Variants in CEP76 observed in about 807,000 individuals in gnomAD.
The protein encoded by CEP76 is centrosomal protein 76, also known as centrosomal protein of 76 kDa.
A neutral mutation model predicts 83.3 loss-of-function variants in CEP76; 55 were observed. The observed-to-expected ratio is 0.66, with a 90% CI of 0.53 to 0.83. The LOEUF (loss-of-function observed/expected upper bound fraction) is 0.83. CEP76 is among the 40% of genes least tolerant of loss of function. The pLI is 0.00. For synonymous variants in CEP76, 270 were observed against 274.5 expected (o/e 0.98, Z 0.16); for missense variants, 694 against 799.5 (o/e 0.87, Z 1.59).
At chr18:12,698,747 C>A in intron 4 of CEP76, 1 of 530,544 alleles carries the variant, frequency 1.9e-6, no homozygotes, top group Non-Finnish European at 3.3e-6. Context: ...GTGTGTATTA[C>A]TAAAGAATCA....
intron 1 of CEP76, among the ~76,000 whole-genome samples, chr18:12,701,858 CGGAGG>C (rs1241432046): frequency 6.6e-6 from 1 of 152,200 alleles, no homozygotes; most frequent in Non-Finnish European, 1.5e-5. Context: ...CTGCCGGGCG[CGGAGG>C]CTCACGCCTG....
At chr18:12,697,702 T>C (rs2040005134) in intron 4 of CEP76, among the ~76,000 whole-genome samples, 1 of 152,200 alleles carries the variant, frequency 6.6e-6, no homozygotes, top group African/African-American at 2.4e-5. Flanking sequence ...CTAAAGTATA[T>C]GCTACTACAA....
intron 4 of CEP76, among the ~76,000 whole-genome samples, chr18:12,698,403 A>T (rs1322029881): frequency 2.0e-5 from 3 of 152,114 alleles, no homozygotes; most frequent in Admixed American, 2.0e-4. Context: ...TCCTGACCTC[A>T]GGTGACCCAC....
intron 12 of CEP76, among the ~76,000 whole-genome samples, chr18:12,666,727 G>T (rs2038811955): frequency 6.6e-6 from 1 of 150,406 alleles, no homozygotes; most frequent in Admixed American, 6.7e-5. Flanking sequence ...GGAATTACAG[G>T]CTTCAGTCAC....
intron 10 of CEP76, 65 bp downstream of exon 10, chr18:12,678,044 C>CAA (rs2039207267): frequency 7.4e-7 from 1 of 1,346,206 alleles, no homozygotes; most frequent in African/African-American, 1.4e-5. Context: ...TCACACACAC[C>CAA]AAAAAACAGT....
At chr18:12,678,038 A>T in intron 10 of CEP76, 71 bp downstream of exon 10, 1 of 1,243,402 alleles carries the variant, frequency 8.0e-7, no homozygotes, top group Non-Finnish European at 1.2e-6. Flanking sequence ...GCACTATCAC[A>T]CACACCAAAA....
At chr18:12,698,947 CAATTA>C in intron 4 of CEP76, 27 bp downstream of exon 4, 6 of 1,404,132 alleles carry the variant, frequency 4.3e-6, no homozygotes, top group Middle Eastern at 1.8e-4. Context: ...AAGATTTACT[CAATTA>C]AATGACAATT....
At chr18:12,668,809 C>G (rs62095975), downstream of CEP76, among the ~76,000 whole-genome samples, 2 of 136,608 alleles carry the variant, frequency 1.5e-5, no homozygotes, top group African/African-American at 5.5e-5. Context: ...AGAGCAATCT[C>G]GGCTCACTGC....
chr18:12,686,542 A>G (rs2039546150), intron 7 of CEP76, 92 bp from the exon 8 acceptor site: 2 of 943,698 alleles, frequency 2.1e-6, no homozygotes, highest in Non-Finnish European at 3.2e-6. Context: ...AAAATAATTC[A>G]GCATACCATT....
chr18:12,695,737 T>C (rs149568868), intron 5 of CEP76, among the ~76,000 whole-genome samples: 1 of 152,136 alleles, frequency 6.6e-6, no homozygotes, highest in East Asian at 1.9e-4. Flanking sequence ...TTTAAGAAAC[T>C]TTTCTGACTT....
intron 7 of CEP76, chr18:12,691,093 G>A (rs2145068981): frequency 3.3e-6 from 1 of 303,380 alleles, no homozygotes. Context: ...ATTCAGAAAG[G>A]GTTTAAAACA....
At chr18:12,688,758 G>A (rs576134137) in intron 7 of CEP76, among the ~76,000 whole-genome samples, 1 of 152,236 alleles carries the variant, frequency 6.6e-6, no homozygotes, top group South Asian at 2.1e-4. Flanking sequence ...CATTTTGAAT[G>A]CTCAGTACAT....
intron 12 of CEP76, among the ~76,000 whole-genome samples, chr18:12,666,074 T>G (rs1317173818): frequency 6.6e-6 from 1 of 150,598 alleles, no homozygotes; most frequent in Non-Finnish European, 1.5e-5. Flanking sequence ...CCCAGCATCT[T>G]GGGAGACTGA....
chr18:12,662,072 G>T, exon 13 of CEP76: 1 of 388,564 alleles, frequency 2.6e-6, no homozygotes. Context: ...TGGAGGTACT[G>T]GCTGTGCTGC....
intron 4 of CEP76, 166 bp downstream of exon 4, chr18:12,698,813 T>C (rs1297297754): frequency 2.3e-5 from 14 of 597,676 alleles, no homozygotes; most frequent in Non-Finnish European, 4.2e-5. Context: ...AAACAGAATA[T>C]TGCAAGAAGG....
chr18:12,675,135 G>A (rs977948213), intron 10 of CEP76, among the ~76,000 whole-genome samples: 13 of 152,124 alleles, frequency 8.5e-5, no homozygotes, highest in Non-Finnish European at 1.9e-4. Flanking sequence ...GGTGGCTCAC[G>A]CCTGTAATCC....
rs763044714 is a variant in CEP76 at position 12,702,566 on chromosome 18, C to G, written c.-18G>C. Reference sequence around the variant, plus strand: ...AGCGACATGCTGGCAGCCGGCGTCTCCCCGCCGCTTCTCCCCGCCTCAGAT... The same window carrying G: ...AGCGACATGCTGGCAGCCGGCGTCTGCCCGCCGCTTCTCCCCGCCTCAGAT... On this transcript the variant is annotated 5_prime_UTR_variant, in exon 1 of 12. Transcript: ENST00000262127. 2.5e-6 allele frequency: 4 copies of G among 1,589,388 alleles called. No homozygotes were observed. The highest frequency in any genetic ancestry group is 3.4e-6 in the Non-Finnish European group (4 of 1,168,812).
At chr18:12,682,148 G>A (rs948732397) in intron 8 of CEP76, among the ~76,000 whole-genome samples, 3 of 152,072 alleles carry the variant, frequency 2.0e-5, no homozygotes, top group South Asian at 4.1e-4. Context: ...TTGAGTGTCC[G>A]AATGAAGAAA....
chr18:12,677,796 G>A (rs1026331696), intron 10 of CEP76, among the ~76,000 whole-genome samples: 4 of 152,070 alleles, frequency 2.6e-5, no homozygotes, highest in Non-Finnish European at 5.9e-5. Context: ...ATGTGAATAA[G>A]CATTTCACAA....
Sources: gnomAD v4.1 joint callset for allele counts (sites outside exome capture counted in the v4.1 genomes callset) on GRCh38, gnomAD v4.1.1 for gene constraint, MANE v1.5 for transcripts, NCBI Gene and HGNC (gene_info 2026-07-23, HGNC 2026-07-21) for gene names.